RNASET2: variants seen among roughly 807,000 people sequenced by gnomAD.
The protein encoded by RNASET2 is ribonuclease T2.
In RNASET2, 28 loss-of-function variants were observed where a neutral mutation model predicts 33.9. The observed-to-expected ratio is 0.83, with a 90% CI of 0.61 to 1.13. The LOEUF (loss-of-function observed/expected upper bound fraction) is 1.13, where lower values mean the gene tolerates loss of function less well. Ranked by LOEUF, RNASET2 falls within the 50% of genes most tolerant of loss-of-function variation. RNASET2 has a pLI of 0.00. For missense variants in RNASET2, 330 were observed against 319.9 expected (o/e 1.03, Z -0.24); for synonymous variants, 123 against 121.0 (o/e 1.02, Z -0.11).
In RNASET2 at chr6:166,933,778, C is replaced by T; in HGVS notation, c.492+313G>A. The T allele has an allele frequency of 2.4e-6, 1 of 409,674 alleles. No homozygotes were observed. The allele number at this position is 409,674 out of a possible 1,614,324, so 25.4% of individuals were successfully genotyped here. ...AAACAAACCACAAACAAATATAAGA[C>T]TACGTTATAAAAGTGAATGTGACTC... On this transcript the variant is annotated intron_variant, in intron 7 of 8. Coordinates refer to ENST00000508775, the MANE Select transcript of RNASET2 (RefSeq NM_003730.6). The surrounding 1 kb of genome is among the most constrained non-coding windows in gnomAD (Gnocchi z 4.1).
In RNASET2 at chr6:166,923,228, CTTTTTTTT is replaced by C. The variant is rs576639665; in HGVS notation, c.*6352_*6359del. 1.9e-5 allele frequency among the ~76,000 whole-genome samples: 2 copies of C among 102,660 alleles called. No homozygotes were observed. Among genetic ancestry groups the C allele is most frequent in the East Asian group, 2.5e-4 (1 of 4,016 alleles). The allele number at this position is 102,660 out of a possible 152,430, so 67.3% of individuals were successfully genotyped here. ...ACAGGCGTGAGCCACCAGGCCCGGC[CTTTTTTTT>C]TTTTTTTTTTTTTGAGACAGAGTCT... is the stretch of plus-strand genomic sequence containing the variant. On this transcript the variant is annotated 3_prime_UTR_variant, in exon 9 of 9. Transcript: ENST00000508775.
At chr6:166,934,480 G>C in intron 6 of RNASET2, 1 of 292,316 alleles carries the variant, frequency 3.4e-6, no homozygotes, top group Non-Finnish European at 6.6e-6. Context: ...ATTGAAATCG[G>C]ATTCCAGGCT....
At position 166,946,852 on chromosome 6, in the gene RNASET2, A is replaced by G. The variant is rs778936034; in HGVS notation, c.204-113T>C. 9.5e-6 allele frequency: 7 copies of G among 733,014 alleles called. No individual in the cohort carries two copies. In the South Asian group the frequency reaches 1.0e-4, roughly 11 times the overall value. The allele number at this position is 733,014 out of a possible 1,614,324, so 45.4% of individuals were successfully genotyped here. The stretch of plus-strand genomic sequence containing the variant: ...AAGTCTGCAAAGAATAAAAAGAGAA[A>G]TTCTAATTGGGAATTCCTTATCCCA... On this transcript the variant is annotated intron_variant, in intron 3 of 8. Coordinates refer to ENST00000508775, the MANE Select transcript of RNASET2 (RefSeq NM_003730.6).
intron 8 of RNASET2, among the ~76,000 whole-genome samples, chr6:166,930,029 C>T (rs1778382389): frequency 6.6e-6 from 1 of 152,268 alleles, no homozygotes; most frequent in South Asian, 2.1e-4. Flanking sequence ...GGGGTTGGAT[C>T]CCCTGGTCAC....
chr6:166,929,696 G>A lies in RNASET2; in HGVS notation c.663C>T (p.Ser221=). The stretch of plus-strand genomic sequence containing the variant: ...TTGCCAGCCAGACTTCCTGCTTGGG[G>A]GACGGCTGCTCCCCCGGCTCGGTGC... ...QNCTEPGEQP[S]PKQEVWLANG... is the part of the protein sequence containing the mutation. Residue 221 remains serine, a synonymous_variant, in exon 9 of 9, where the codon TCC becomes TCT. Transcript: ENST00000508775. The A allele has an allele frequency of 6.2e-7, 1 of 1,614,100 alleles. No individual in the cohort carries two copies. Among genetic ancestry groups the A allele is most frequent in the Non-Finnish European group, 8.5e-7 (1 of 1,180,044 alleles).
chr6:166,955,265 A>G lies in RNASET2; in HGVS notation c.86+832T>C, dbSNP rs1381235844. 9.2e-3 allele frequency among the ~76,000 whole-genome samples: 866 copies of G among 94,516 alleles called. 28 individuals are homozygous for G. Among genetic ancestry groups the G allele is most frequent in the African/African-American group, 0.044 (824 of 18,842 alleles). The allele number at this position is 94,516 out of a possible 152,430, so 62.0% of individuals were successfully genotyped here. ...CACACACACGCACACACGCACACAC[A>G]CACACGCGCACACACGACACACACG... is the stretch of plus-strand genomic sequence containing the variant. On this transcript the variant is annotated intron_variant, in intron 1 of 8. Transcript: ENST00000508775.
At chr6:166,929,883 T>C in intron 8 of RNASET2, 92 bp from the exon 9 acceptor site, 2 of 1,285,582 alleles carry the variant, frequency 1.6e-6, no homozygotes, top group African/African-American at 1.5e-5. Context: ...TTTTAGAAGA[T>C]AACAAAAGCA....
intron 2 of RNASET2, among the ~76,000 whole-genome samples, chr6:166,951,285 G>T (rs7763158): frequency 6.6e-6 from 1 of 152,238 alleles, no homozygotes; most frequent in Non-Finnish European, 1.5e-5. Flanking sequence ...GGTGTACTGG[G>T]TGGAACATGA....
intron 6 of RNASET2, among the ~76,000 whole-genome samples, chr6:166,936,731 G>A (rs1424622298): frequency 6.6e-6 from 1 of 152,236 alleles, no homozygotes; most frequent in Non-Finnish European, 1.5e-5. Context: ...CCACACTGGT[G>A]ATCAAATTTC....
In RNASET2 at chr6:166,939,001, C is replaced by A. The variant is rs2128645252; in HGVS notation, c.340G>T (p.Glu114Ter). ...FPNRSRFWKH[E>*]WEKHGTCAAQ... ...GCGCAGGTCCCATGCTTTTCCCACT[C>A]ATGCTTCCTGTGAGGATTAGGAAAA... The change falls in exon 6 of 9, where the codon GAG (glutamate) becomes TAG (stop). Residue 114 changes from glutamate (E) to a stop codon, truncating the protein, a stop_gained. Coordinates refer to ENST00000508775, the MANE Select transcript of RNASET2 (RefSeq NM_003730.6). LOFTEE classifies it high-confidence loss of function. The A allele has an allele frequency of 6.2e-7, 1 of 1,611,958 alleles. No individual in the cohort carries two copies. The highest frequency in any genetic ancestry group is 8.5e-7 in the Non-Finnish European group (1 of 1,178,910).
chr6:166,936,650 G>A (rs1347429583), intron 6 of RNASET2, among the ~76,000 whole-genome samples: 3 of 152,130 alleles, frequency 2.0e-5, no homozygotes, highest in Non-Finnish European at 4.4e-5. Flanking sequence ...GTGGGAACTC[G>A]CTCACCCCTG....
chr6:166,949,390 C>G (rs1351639191), intron 2 of RNASET2, among the ~76,000 whole-genome samples: 1 of 146,956 alleles, frequency 6.8e-6, no homozygotes, highest in Non-Finnish European at 1.5e-5. Flanking sequence ...AGTTCCAGCT[C>G]CTCAGGAGGC....
At chr6:166,930,102 A>G (rs1778383644) in intron 8 of RNASET2, among the ~76,000 whole-genome samples, 1 of 152,270 alleles carries the variant, frequency 6.6e-6, no homozygotes. Flanking sequence ...GAAAATTAAC[A>G]AAGTTACACA....
At position 166,933,872 on chromosome 6, in the gene RNASET2, A is replaced by T; in HGVS notation, c.492+219T>A. 1.7e-6 allele frequency: 1 copy of T among 593,982 alleles called. No homozygotes were observed. Among genetic ancestry groups the T allele is most frequent in the Non-Finnish European group, 3.0e-6 (1 of 333,426 alleles). The allele number at this position is 593,982 out of a possible 1,614,324, so 36.8% of individuals were successfully genotyped here. On this transcript the variant is annotated intron_variant, in intron 7 of 8. Transcript: ENST00000508775. The surrounding 1 kb of genome is among the most constrained non-coding windows in gnomAD (Gnocchi z 4.1). ...ACACTTCTCACAAAGGGAGCCATGAAATCTGTGCTTCCAAATCACTGGTCT... is the reference window on the plus strand; with the variant it reads ...ACACTTCTCACAAAGGGAGCCATGATATCTGTGCTTCCAAATCACTGGTCT...
intron 6 of RNASET2, among the ~76,000 whole-genome samples, chr6:166,936,445 T>C (rs1385291863): frequency 6.6e-6 from 1 of 152,158 alleles, no homozygotes; most frequent in Non-Finnish European, 1.5e-5. Flanking sequence ...AGAGGTTTTT[T>C]TGGCTCAGGG....
intron 6 of RNASET2, among the ~76,000 whole-genome samples, chr6:166,935,395 C>G (rs1179085737): frequency 1.3e-5 from 2 of 152,110 alleles, no homozygotes; most frequent in African/African-American, 2.4e-5. Flanking sequence ...GCTCGTGTTA[C>G]ACGTCTATTG....
rs796717411 is a variant in RNASET2 at position 166,955,217 on chromosome 6, A to G, written c.86+880T>C. Among the ~76,000 whole-genome samples, 17 of 88,654 alleles carry G rather than the reference A, an allele frequency of 1.9e-4. 1 individual carries two copies. In the South Asian group the frequency reaches 3.0e-3, roughly 16 times the overall value. The allele number at this position is 88,654 out of a possible 152,430, so 58.2% of individuals were successfully genotyped here. On this transcript the variant is annotated intron_variant, in intron 1 of 8. Coordinates refer to ENST00000508775, the MANE Select transcript of RNASET2 (RefSeq NM_003730.6). Reference sequence around the variant, plus strand: ...CACACGCACGCACACACGCACGCACACACGCGCACACACGCACGCACGCAC... The same window carrying G: ...CACACGCACGCACACACGCACGCACGCACGCGCACACACGCACGCACGCAC...
Position 166,929,531 on chromosome 6 carries a change from C to G in RNASET2, c.*57G>C. 1 of 1,559,124 alleles carries G rather than the reference C, an allele frequency of 6.4e-7. No homozygotes were observed. Among genetic ancestry groups the G allele is most frequent in the African/African-American group, 1.4e-5 (1 of 73,874 alleles). On this transcript the variant is annotated 3_prime_UTR_variant, in exon 9 of 9. Transcript: ENST00000508775. ...CACTTTGGAGTTGTTTTTTAGAAAG[C>G]TGCAGTTTGTGAATTTCTCTTGCTT...
chr6:166,954,457 G>A (rs562812686), intron 1 of RNASET2, among the ~76,000 whole-genome samples: 145 of 152,278 alleles, frequency 9.5e-4, no homozygotes, highest in Non-Finnish European at 1.5e-3. Flanking sequence ...GAGGCTGACT[G>A]TTACTATTTC....
Sources: allele counts gnomAD v4.1 joint callset (sites outside exome capture counted in the v4.1 genomes callset), GRCh38; gene constraint gnomAD v4.1.1; non-coding constraint Gnocchi (gnomAD v3.1); transcripts MANE v1.5; gene names NCBI Gene and HGNC (gene_info 2026-07-23, HGNC 2026-07-21).